The following BCL7C variants were observed in gnomAD, a reference collection of about 807,000 sequenced individuals.
BCL7C encodes B-cell CLL/lymphoma 7 protein family member C.
A neutral mutation model predicts 26.2 loss-of-function variants in BCL7C; 8 were observed. That is an observed-to-expected ratio of 0.30 (90% CI 0.18 to 0.55). BCL7C has a LOEUF of 0.55. Among genes scored for constraint, BCL7C ranks in the 20% least tolerant of loss-of-function variants. The pLI is 0.93. For missense variants in BCL7C, 262 were observed against 298.5 expected (o/e 0.88, Z 0.90); for synonymous variants, 90 against 116.5 (o/e 0.77, Z 1.47).
downstream of BCL7C, chr16:30,887,710 G>T: frequency 7.9e-7 from 1 of 1,270,900 alleles, no homozygotes; most frequent in Non-Finnish European, 1.0e-6. Flanking sequence ...GAGCCTCAGT[G>T]ACCACATCTG....
intron 5 of BCL7C, among the ~76,000 whole-genome samples, chr16:30,836,968 A>G (rs944997660): frequency 6.6e-6 from 1 of 150,712 alleles, no homozygotes; most frequent in African/African-American, 2.4e-5. Flanking sequence ...TAATTTTTGT[A>G]TTTTTTTGGT....
At chr16:30,890,962 G>A (rs1048301557) in intron 4 of BCL7C, among the ~76,000 whole-genome samples, 3 of 152,010 alleles carry the variant, frequency 2.0e-5, no homozygotes, top group Admixed American at 2.0e-4. Flanking sequence ...TCTAGTCTGG[G>A]CAACAAGAAT....
In BCL7C at chr16:30,834,999, GC is replaced by G; in HGVS notation, c.677del (p.Gly226AlafsTer28). ...TTCTGGGTGCCCTCGGGGCCTTGCT[GC>G]CTCCCCCGGGAGCTCTGGTGTCCGG... is the stretch of plus-strand genomic sequence containing the variant. On this transcript the variant is annotated frameshift_variant, in exon 6 of 6. Transcript: ENST00000380317. LOFTEE classifies it high-confidence loss of function. The surrounding 1 kb of genome is among the most constrained non-coding windows in gnomAD (Gnocchi z 4.3). The G allele has an allele frequency of 1.9e-6, 3 of 1,548,398 alleles. No individual in the cohort carries two copies. Among genetic ancestry groups the G allele is most frequent in the Non-Finnish European group, 2.6e-6 (3 of 1,146,468 alleles).
In BCL7C at chr16:30,893,781, G is replaced by A. The variant is rs2055298095; in HGVS notation, c.92+72C>T. 7.9e-6 allele frequency: 11 copies of A among 1,397,362 alleles called. No individual in the cohort carries two copies. In the South Asian group the frequency reaches 9.3e-5, roughly 12 times the overall value. The allele number at this position is 1,397,362 out of a possible 1,614,324, so 86.6% of individuals were successfully genotyped here. On this transcript the variant is annotated intron_variant, in intron 1 of 5. Coordinates refer to ENST00000215115, the MANE Select transcript of BCL7C (RefSeq NM_004765.4). The surrounding 1 kb of genome is among the most constrained non-coding windows in gnomAD (Gnocchi z 5.2). ...CGAACACCCGGGGCCCAGAGCTGGC[G>A]AGGGCAGCGTAGACGCCTTTGGTGC...
chr16:30,887,854 AG>A lies in BCL7C; in HGVS notation c.*10del, dbSNP rs766249066. 1 of 1,567,014 alleles carries A rather than the reference AG, an allele frequency of 6.4e-7. No homozygotes were observed. The highest frequency in any genetic ancestry group is 8.6e-7 in the Non-Finnish European group (1 of 1,161,954). On this transcript the variant is annotated 3_prime_UTR_variant, in exon 6 of 6. Transcript: ENST00000215115. ...GGGCCCCTGGGGCAACAGGACAGGC[AG>A]GCCGGCTTCTCAGGGGTCAGGGGCA...
intron 5 of BCL7C, among the ~76,000 whole-genome samples, chr16:30,861,983 C>T (rs963638565): frequency 2.6e-5 from 4 of 151,256 alleles, no homozygotes; most frequent in Non-Finnish European, 5.9e-5. Flanking sequence ...CCTGCCTCAG[C>T]CTCCCAAGTA....
chr16:30,858,222 C>A lies in BCL7C; in HGVS notation c.529-23074G>T, dbSNP rs769109259. Reference sequence around the variant, plus strand: ...AGCCAAGATCCTGACTCCATTGCCACAGTGAAGAGTCCCAGCCTCTCATTC... The same window carrying A: ...AGCCAAGATCCTGACTCCATTGCCAAAGTGAAGAGTCCCAGCCTCTCATTC... On this transcript the variant is annotated intron_variant, in intron 5 of 5. Transcript: ENST00000380317. Among the ~76,000 whole-genome samples the A allele has an allele frequency of 1.9e-4, 29 of 152,128 alleles. 1 individual carries two copies. The highest frequency in any genetic ancestry group is 7.2e-5 in the African/African-American group (3 of 41,432).
chr16:30,847,380 C>T (rs374122433), intron 5 of BCL7C, among the ~76,000 whole-genome samples: 1 of 152,192 alleles, frequency 6.6e-6, no homozygotes, highest in East Asian at 1.9e-4. Flanking sequence ...TCTGAAGAGA[C>T]TCACTTTCCT....
At chr16:30,844,178 C>T (rs775633806) in intron 5 of BCL7C, among the ~76,000 whole-genome samples, 6 of 150,934 alleles carry the variant, frequency 4.0e-5, no homozygotes, top group Admixed American at 1.3e-4. Context: ...GGTGAAACTC[C>T]GTCTCTACTA....
At chr16:30,857,931 AT>A (rs2054737098) in intron 5 of BCL7C, among the ~76,000 whole-genome samples, 1 of 149,126 alleles carries the variant, frequency 6.7e-6, no homozygotes, top group South Asian at 2.1e-4. Context: ...AGATTGTGCC[AT>A]TGCATTCCAG....
intron 5 of BCL7C, among the ~76,000 whole-genome samples, chr16:30,855,641 C>T (rs778599909): frequency 3.9e-5 from 6 of 152,132 alleles, no homozygotes; most frequent in African/African-American, 1.2e-4. Context: ...ATCATTGCTA[C>T]GGACGGGGCA....
At chr16:30,878,079 G>T (rs1391731144) in intron 5 of BCL7C, among the ~76,000 whole-genome samples, 1 of 152,024 alleles carries the variant, frequency 6.6e-6, no homozygotes, top group Non-Finnish European at 1.5e-5. Context: ...GGAGGCTGAG[G>T]CACGAGAATG....
At chr16:30,884,248 C>G (rs1192059463), downstream of BCL7C, among the ~76,000 whole-genome samples, 5 of 151,912 alleles carry the variant, frequency 3.3e-5, no homozygotes, top group Non-Finnish European at 7.4e-5. Context: ...GAGACTCAAA[C>G]TTTAGCTTCT....
chr16:30,842,893 T>C (rs1162736742), intron 5 of BCL7C, among the ~76,000 whole-genome samples: 1 of 152,086 alleles, frequency 6.6e-6, no homozygotes, highest in African/African-American at 2.4e-5. Flanking sequence ...TGATCCACCC[T>C]CCTCAGCTTC....
chr16:30,877,421 C>G (rs112760494), intron 5 of BCL7C, among the ~76,000 whole-genome samples: 2,172 of 150,018 alleles, frequency 0.014, 73 homozygotes, highest in African/African-American at 0.05. Context: ...GTGTGAGGCA[C>G]GTCACCCGGC....
intron 5 of BCL7C, among the ~76,000 whole-genome samples, chr16:30,866,742 G>T (rs761132834): frequency 6.6e-6 from 1 of 152,050 alleles, no homozygotes; most frequent in Non-Finnish European, 1.5e-5. Context: ...ATATGAACAG[G>T]CTGAATTAAC....
Position 30,841,321 on chromosome 16 carries a change from G to GTT in BCL7C, c.529-6175_529-6174dup, listed in dbSNP as rs1213671604. 2.0e-5 allele frequency among the ~76,000 whole-genome samples: 3 copies of GTT among 152,310 alleles called. No homozygotes were observed. The East Asian group carries it at 5.8e-4, about 29-fold the overall frequency. On this transcript the variant is annotated intron_variant, in intron 5 of 5. Coordinates refer to the BCL7C transcript ENST00000380317. ...CAGAATGTGACTGTATTTGGAGAGGGTTTTAAAGAGGTAATTTGTTGGGAG... is the reference window on the plus strand; with the variant it reads ...CAGAATGTGACTGTATTTGGAGAGGGTTTTTTAAAGAGGTAATTTGTTGGGAG...
chr16:30,850,543 T>G (rs1295495830), intron 5 of BCL7C, among the ~76,000 whole-genome samples: 3 of 152,164 alleles, frequency 2.0e-5, no homozygotes, highest in African/African-American at 7.2e-5. Context: ...AGACTATTGC[T>G]CCTAGCCTAC....
rs765027584 is a variant in BCL7C at position 30,893,308 on chromosome 16, G to C, written c.93-18C>G. 4 of 1,610,020 alleles carry C rather than the reference G, an allele frequency of 2.5e-6. No homozygotes were observed. The highest frequency in any genetic ancestry group is 3.4e-6 in the Non-Finnish European group (4 of 1,177,478). On this transcript the variant is annotated intron_variant, in intron 1 of 5. Coordinates refer to ENST00000215115, the MANE Select transcript of BCL7C (RefSeq NM_004765.4). The surrounding 1 kb of genome is among the most constrained non-coding windows in gnomAD (Gnocchi z 5.2). ...GCTTCTCCCTGTGGGAGGGTGGGGG[G>C]CTGGGTCAGAGAGGCCTGAGGGGAG... is the stretch of plus-strand genomic sequence containing the variant.
Sources: gnomAD v4.1 joint callset for allele counts (sites outside exome capture counted in the v4.1 genomes callset) on GRCh38, gnomAD v4.1.1 for gene constraint, Gnocchi (gnomAD v3.1) non-coding constraint, MANE v1.5 for transcripts, NCBI Gene and HGNC (gene_info 2026-07-23, HGNC 2026-07-21) for gene names.